Variants in TTN observed in about 807,000 individuals in gnomAD.
The protein encoded by TTN is titin.
Under a neutral mutation model 3,223.0 loss-of-function variants are expected in TTN, and 1,525 were observed. The ratio of observed to expected loss-of-function variants is 0.47; its 90% confidence interval spans 0.45 to 0.49. The LOEUF is 0.49. TTN is among the 20% of genes least tolerant of loss of function. The pLI is 0.00. For synonymous variants in TTN, 14,094 were observed against 15,161.0 expected (o/e 0.93, Z 5.17); for missense variants, 40,786 against 43,424.0 (o/e 0.94, Z 5.40).
At chr2:178,671,848 T>C in intron 155 of TTN, 123 bp downstream of exon 155, 2 of 1,047,534 alleles carry the variant, frequency 1.9e-6, no homozygotes, top group Non-Finnish European at 2.8e-6. Flanking sequence ...GTCAACTAGT[T>C]TAAACTCATG....
chr2:178,630,682 TAGG>T, intron 238 of TTN, 119 bp downstream of exon 238: 1 of 1,407,276 alleles, frequency 7.1e-7, no homozygotes, highest in Non-Finnish European at 9.7e-7. Flanking sequence ...CTCTTTGGCT[TAGG>T]GTCTGATAGA....
chr2:178,783,595 T>C, intron 17 of TTN, 125 bp downstream of exon 17: 1 of 854,552 alleles, frequency 1.2e-6, no homozygotes, highest in Non-Finnish European at 1.9e-6. Flanking sequence ...GGTCTTAAAA[T>C]GAGCATCTGT....
rs777091491 is a variant in TTN at position 178,664,078 on chromosome 2, T to G, written c.36301A>C (p.Ile12101Leu). 5 of 1,612,484 alleles carry G rather than the reference T, an allele frequency of 3.1e-6. No homozygotes were observed. Among genetic ancestry groups the G allele is most frequent in the Admixed American group, 1.7e-5 (1 of 59,780 alleles). ...PVKVHEAPKE[I>L]IPEKKVSVVP... is the part of the protein sequence containing the mutation. ...ACCGACACTTTCTTTTCAGGGATAA[T>G]CTCTTTGGGAGCTTCGTGCACTTGA... The change falls in exon 169 of 363, where the codon ATT (isoleucine) becomes CTT (leucine). Residue 12101 changes from isoleucine (I) to leucine (L), a missense_variant. By Grantham distance (5) the Ile-to-Leu change is conservative. Transcript: ENST00000589042.
Position 178,595,795 on chromosome 2 carries a change from C to T in TTN, c.57559G>A (p.Val19187Ile), listed in dbSNP as rs764203267. 32 of 1,602,020 alleles carry T rather than the reference C, an allele frequency of 2.0e-5. No homozygotes were observed. The highest frequency in any genetic ancestry group is 1.7e-4 in the Admixed American group (10 of 58,372). The part of the protein sequence containing the change: ...IVDVLDVPGP[V>I]GTPFLAHNLT... ...TTGTGAGCTAGGAATGGTGTTCCAA[C>T]GGGACCTGGAACATCTGGAAATAAG... The change falls in exon 295 of 363, where the codon GTT becomes ATT. Residue 19187 changes from valine (V) to isoleucine (I), a missense_variant. Physicochemically the swap from Val to Ile is conservative, Grantham distance 29. Transcript: ENST00000589042.
At position 178,722,930 on chromosome 2, in the gene TTN, A is replaced by AGGC. The variant is rs1247769237; in HGVS notation, c.21966_21968dup (p.Pro7323dup). 2 of 1,609,756 alleles carry AGGC rather than the reference A, an allele frequency of 1.2e-6. No homozygotes were observed. Among genetic ancestry groups the AGGC allele is most frequent in the Admixed American group, 1.7e-5 (1 of 59,464 alleles). ...GAGGTTCCAGTTCCGTAACAAAATA[A>AGGC]GGCGGTTCTAAGGAAGAAAGGCTCA... On this transcript the variant is annotated inframe_insertion, in exon 76 of 363. Coordinates refer to ENST00000589042, the MANE Select transcript of TTN (RefSeq NM_001267550.2).
At chr2:178,746,611 T>C (rs1350948204) in intron 47 of TTN, 1 of 1,613,204 alleles carries the variant, frequency 6.2e-7, no homozygotes, top group Non-Finnish European at 8.5e-7. Flanking sequence ...AGCTCTTTGC[T>C]TCCCCTATGA....
rs537433393 is a variant in TTN at position 178,593,484 on chromosome 2, A to G, written c.58733-9T>C. Reference sequence around the variant, plus strand: ...AGGTGCATCAGGAACCCCTGTAACAAATGTTGGAAAATGCGTTAGAAATTT... The same window carrying G: ...AGGTGCATCAGGAACCCCTGTAACAGATGTTGGAAAATGCGTTAGAAATTT... On this transcript the variant is annotated splice_polypyrimidine_tract_variant and intron_variant, in intron 298 of 362. Coordinates refer to ENST00000589042, the MANE Select transcript of TTN (RefSeq NM_001267550.2). The G allele has an allele frequency of 9.4e-6, 15 of 1,601,060 alleles. No homozygotes were observed. In the African/African-American group the frequency reaches 1.2e-4, roughly 13 times the overall value.
Position 178,682,903 on chromosome 2 carries a change from TC to T in TTN, c.32888-1del, listed in dbSNP as rs869312041. The T allele has an allele frequency of 1.9e-6, 3 of 1,594,950 alleles. No homozygotes were observed. Among genetic ancestry groups the T allele is most frequent in the Non-Finnish European group, 2.6e-6 (3 of 1,171,804 alleles). On this transcript the variant is annotated splice_acceptor_variant, in intron 134 of 362. Transcript: ENST00000589042. LOFTEE classifies it high-confidence loss of function. Reference sequence around the variant, plus strand: ...TTCTTTCTCTTCCATTATAGTTACTTCTGAAACAATATTAACAACAGGCAGC... The same window carrying T: ...TTCTTTCTCTTCCATTATAGTTACTTTGAAACAATATTAACAACAGGCAGC...
chr2:178,528,313 G>A lies in TTN; in HGVS notation c.107338C>T (p.Arg35780Cys), dbSNP rs1687436055. Residue 35780 changes from arginine (R) to cysteine (C), a missense_variant, in exon 361 of 363, where the codon CGT becomes TGT. Physicochemically the swap from Arg to Cys is radical, Grantham distance 180. Coordinates refer to ENST00000589042, the MANE Select transcript of TTN (RefSeq NM_001267550.2). ...GKYTIKAKNF[R>C]GQCSATASLM... The stretch of plus-strand genomic sequence containing the variant: ...GAAGCTGTAGCTGAACACTGGCCAC[G>A]GAAATTTTTGGCCTTAATTGTGTAC... 9 of 1,613,756 alleles carry A rather than the reference G, an allele frequency of 5.6e-6. No homozygotes were observed. The highest frequency in any genetic ancestry group is 3.4e-6 in the Non-Finnish European group (4 of 1,179,834).
chr2:178,690,504 C>T (rs1170586140), intron 121 of TTN, among the ~76,000 whole-genome samples: 1 of 151,026 alleles, frequency 6.6e-6, no homozygotes, highest in Non-Finnish European at 1.5e-5. Context: ...TGTATTTGTG[C>T]TTTTTTTTTC....
Position 178,727,709 on chromosome 2 carries a change from G to A in TTN, c.19869C>T (p.Gly6623=), listed in dbSNP as rs2079605664. The A allele has an allele frequency of 6.2e-7, 1 of 1,613,276 alleles. No homozygotes were observed. Among genetic ancestry groups the A allele is most frequent in the Non-Finnish European group, 8.5e-7 (1 of 1,179,440 alleles). Residue 6623 remains glycine (G), a synonymous_variant, in exon 68 of 363, where the codon GGC becomes GGT. Coordinates refer to ENST00000589042, the MANE Select transcript of TTN (RefSeq NM_001267550.2). ...TTAAGAAGCTAGTCGACCCTTCCAA[G>A]CCAATGAAACATTTAGGACCTGAGA... ...ELVSGPKCFI[G]LEGSTSFLNL...
At chr2:178,803,972 T>G (rs1293517197) in intron 2 of TTN, among the ~76,000 whole-genome samples, 1 of 152,250 alleles carries the variant, frequency 6.6e-6, no homozygotes, top group Non-Finnish European at 1.5e-5. Flanking sequence ...AGAAGCATAT[T>G]ATTTTCTGTC....
At chr2:178,614,381 A>G in intron 261 of TTN, 33 bp from the exon 262 acceptor site, 2 of 1,578,838 alleles carry the variant, frequency 1.3e-6, no homozygotes, top group Non-Finnish European at 1.7e-6. Flanking sequence ...AGAAAAAAAA[A>G]TTGTTCACCA....
At position 178,741,463 on chromosome 2, in the gene TTN, C is replaced by T; in HGVS notation, c.11770G>A (p.Ala3924Thr). ...EGHKDTETES[A>T]VAKSLEKLGG... ...AGCTTTTCCAGAGATTTTGCCACTG[C>T]TGATTCTGTTTCAGTGTCTTTGTGA... The change falls in exon 48 of 363, where the codon GCA becomes ACA. Residue 3924 changes from alanine to threonine, a missense_variant. By Grantham distance (58) the Ala-to-Thr change is moderately conservative. Coordinates refer to ENST00000589042, the MANE Select transcript of TTN (RefSeq NM_001267550.2). 6.2e-7 allele frequency: 1 copy of T among 1,613,834 alleles called. No individual in the cohort carries two copies.
At position 178,532,365 on chromosome 2, in the gene TTN, A is replaced by G. The variant is rs745463889; in HGVS notation, c.104250T>C (p.His34750=). The G allele has an allele frequency of 8.7e-6, 14 of 1,613,900 alleles. No homozygotes were observed. Among genetic ancestry groups the G allele is most frequent in the Admixed American group, 3.3e-5 (2 of 60,010 alleles). The change falls in exon 358 of 363, where the codon CAT becomes CAC. Residue 34750 remains histidine (H), a synonymous_variant. Coordinates refer to ENST00000589042, the MANE Select transcript of TTN (RefSeq NM_001267550.2). ...STSYAELRER[H]AQAAYRQPKQ... ...TTGGCTGTCTGTACGCAGCCTGGGCATGCCGTTCCCTCAGTTCTGCATAAC... is the reference window on the plus strand; with the variant it reads ...TTGGCTGTCTGTACGCAGCCTGGGCGTGCCGTTCCCTCAGTTCTGCATAAC...
At chr2:178,647,948 C>G (rs564533895) in intron 213 of TTN, among the ~76,000 whole-genome samples, 18 of 152,216 alleles carry the variant, frequency 1.2e-4, no homozygotes, top group African/African-American at 4.3e-4. Flanking sequence ...TCTTGGGCTC[C>G]TCAATTTCCC....
rs778030351 is a variant in TTN, at chr2:178,718,132, C to G, written c.24874G>C (p.Glu8292Gln). 3 of 1,610,186 alleles carry G rather than the reference C, an allele frequency of 1.9e-6. No individual in the cohort carries two copies. The highest frequency in any genetic ancestry group is 1.7e-5 in the Admixed American group (1 of 60,006). Reference protein sequence around the residue: ...TLQCKVDGTPEIRISWYKEHT... With the variant: ...TLQCKVDGTPQIRISWYKEHT... ...TCTTTATACCAAGAAATTCTAATTT[C>G]TGGAGTTCCATCCACTTTACACTGT... Residue 8292 changes from glutamate to glutamine, a missense_variant, in exon 86 of 363, where the codon GAA becomes CAA. Glu to Gln is a conservative substitution (Grantham distance 29). Transcript: ENST00000589042.
At chr2:178,613,115 G>A in intron 264 of TTN, 43 bp from the exon 265 acceptor site, 1 of 1,610,242 alleles carries the variant, frequency 6.2e-7, no homozygotes, top group Non-Finnish European at 8.5e-7. Context: ...TCAAAAAGGA[G>A]TTCATATGAA....
chr2:178,565,319 T>G lies in TTN; in HGVS notation c.80813A>C (p.His26938Pro). 6.2e-7 allele frequency: 1 copy of G among 1,613,680 alleles called. No homozygotes were observed. Among genetic ancestry groups the G allele is most frequent in the East Asian group, 2.2e-5 (1 of 44,848 alleles). Residue 26938 changes from histidine to proline, a missense_variant, in exon 326 of 363, where the codon CAC becomes CCC. Physicochemically the swap from His to Pro is moderately conservative, Grantham distance 77. Coordinates refer to ENST00000589042, the MANE Select transcript of TTN (RefSeq NM_001267550.2). Reference protein sequence around the residue: ...VEETATSTVLHIKEGNKDDFG... With the variant: ...VEETATSTVLPIKEGNKDDFG... ...GTCATCTTTGTTACCTTCTTTAATG[T>G]GCAAAACAGTTGAGGTAGCTGTTTC...
Sources: gnomAD v4.1 joint callset for allele counts (sites outside exome capture counted in the v4.1 genomes callset) on GRCh38, gnomAD v4.1.1 for gene constraint, MANE v1.5 for transcripts, NCBI Gene and HGNC (gene_info 2026-07-23, HGNC 2026-07-21) for gene names.